SLC26A9: variants seen among roughly 807,000 people sequenced by gnomAD.
The protein encoded by SLC26A9 is solute carrier family 26 member 9, also known as anion transporter/exchanger protein 9.
A neutral mutation model predicts 87.1 loss-of-function variants in SLC26A9; 46 were observed. The observed-to-expected ratio is 0.53, with a 90% CI of 0.42 to 0.67. The LOEUF (loss-of-function observed/expected upper bound fraction) is 0.67. SLC26A9 is among the 30% of genes least tolerant of loss of function. The pLI, the probability that SLC26A9 is intolerant of heterozygous loss-of-function variation, is 0.00. For synonymous variants in SLC26A9, 437 were observed against 409.1 expected (o/e 1.07, Z -0.82); for missense variants, 927 against 1,018.3 (o/e 0.91, Z 1.22).
chr1:205,930,386 G>C (rs529450657), intron 5 of SLC26A9: 2 of 191,358 alleles, frequency 1.0e-5, no homozygotes, highest in South Asian at 3.7e-4. Context: ...CCAAAAACTT[G>C]AGAGTCATCC....
At position 205,928,828 on chromosome 1, in the gene SLC26A9, C is replaced by T; in HGVS notation, c.952G>A (p.Gly318Arg). Residue 318 changes from glycine to arginine, a missense_variant and splice_region_variant, in exon 8 of 21, where the codon GGG (glycine) becomes AGG (arginine). Physicochemically the swap from Gly to Arg is moderately radical, Grantham distance 125. Transcript: ENST00000367135. The stretch of plus-strand genomic sequence containing the variant: ...GGCTTCTGGGCCACCTGGACTCACC[C>T]GCGTTGGATTTCTCCCACGATCTGC... The part of the protein sequence containing the change: ...HMQIVGEIQR[G>R]FPTPVSPVVS... 3.1e-6 allele frequency: 5 copies of T among 1,614,122 alleles called. No individual in the cohort carries two copies. The highest frequency in any genetic ancestry group is 1.3e-5 in the African/African-American group (1 of 75,020).
intron 1 of SLC26A9, among the ~76,000 whole-genome samples, chr1:205,941,085 A>G (rs2102609077): frequency 6.6e-6 from 1 of 152,334 alleles, no homozygotes; most frequent in East Asian, 1.9e-4. Flanking sequence ...CTGGGGTCTC[A>G]GTGGGAGACC....
chr1:205,927,276 A>G lies in SLC26A9; in HGVS notation c.1228T>C (p.Cys410Arg). The change falls in exon 11 of 21, where the codon TGT becomes CGT. Residue 410 changes from cysteine (C) to arginine (R), a missense_variant. Transcript: ENST00000367135. ...GTGATCATCACCACCAGAGACACAC[A>G]CAGGCTGGCCACCTATTCCGAGAAA... is the stretch of plus-strand genomic sequence containing the variant. ...AGGKSQVASL[C>R]VSLVVMITML... The G allele has an allele frequency of 6.2e-7, 1 of 1,614,196 alleles. No individual in the cohort carries two copies.
At chr1:205,932,489 GAACAGGTAATGCT>G (rs1322230778) in intron 4 of SLC26A9, among the ~76,000 whole-genome samples, 200 bp downstream of exon 4, 1 of 152,192 alleles carries the variant, frequency 6.6e-6, no homozygotes, top group Non-Finnish European at 1.5e-5. Context: ...GAGGAAGATG[GAACAGGTAATGCT>G]AACTGAACTC....
chr1:205,936,548 G>A (rs886089361), intron 1 of SLC26A9, among the ~76,000 whole-genome samples: 1 of 152,122 alleles, frequency 6.6e-6, no homozygotes, highest in Non-Finnish European at 1.5e-5. Flanking sequence ...GAGCTGAGAT[G>A]GGCAGAGCTG....
Position 205,921,710 on chromosome 1 carries a change from A to T in SLC26A9, c.1911T>A (p.Ser637Arg), listed in dbSNP as rs1216423433. 1.9e-6 allele frequency: 3 copies of T among 1,591,876 alleles called. No individual in the cohort carries two copies. In the African/African-American group the frequency reaches 4.0e-5, roughly 21 times the overall value. Residue 637 changes from serine to arginine, a missense_variant, in exon 17 of 21, where the codon AGT (serine) becomes AGA (arginine). Transcript: ENST00000367135. ...FSPDSSSPAQ[S>R]EPPASAEAPG... ...GGGCCTCAGCGGAGGCTGGTGGCTC[A>T]CTCTGGGCAGGTGAGGAGCTGTCAG...
At chr1:205,923,009 C>T in intron 16 of SLC26A9, 73 bp downstream of exon 16, 1 of 1,435,144 alleles carries the variant, frequency 7.0e-7, no homozygotes, top group Non-Finnish European at 9.8e-7. Flanking sequence ...CCCCAGGGTA[C>T]CATGAGTAAC....
intron 17 of SLC26A9, among the ~76,000 whole-genome samples, chr1:205,921,171 C>T (rs6674850): frequency 0.9 from 136,893 of 152,244 alleles, 61,530 homozygotes; most frequent in Admixed American, 0.92. Flanking sequence ...TGGTATTATT[C>T]CTTCTCCTGT....
chr1:205,929,465 C>A, intron 6 of SLC26A9, 109 bp from the exon 7 acceptor site: 2 of 1,478,528 alleles, frequency 1.4e-6, no homozygotes, highest in Admixed American at 2.3e-5. Flanking sequence ...AATGGAGGCA[C>A]ACCAAGACAG....
At chr1:205,915,506 A>G (rs1020605540) in intron 20 of SLC26A9, 102 bp from the exon 21 acceptor site, 3 of 1,468,660 alleles carry the variant, frequency 2.0e-6, no homozygotes, top group South Asian at 2.4e-5. Flanking sequence ...ACCCCTGGCC[A>G]GAACAAAGCA....
At position 205,918,931 on chromosome 1, in the gene SLC26A9, T is replaced by C. The variant is rs1232598805; in HGVS notation, c.2165A>G (p.Glu722Gly). The C allele has an allele frequency of 3.1e-6, 5 of 1,614,070 alleles. No homozygotes were observed. The highest frequency in any genetic ancestry group is 4.2e-6 in the Non-Finnish European group (5 of 1,180,026). ...TATGCTGGGAAAGACGTGCTTGCAT[T>C]CTAGACTCCCATCCTCAAAGACGCC... ...HGGVFEDGSL[E>G]CKHVFPSIHD... Residue 722 changes from glutamate to glycine, a missense_variant, in exon 19 of 21, where the codon GAA becomes GGA. Coordinates refer to ENST00000367135, the MANE Select transcript of SLC26A9 (RefSeq NM_052934.4).
chr1:205,935,829 C>A lies in SLC26A9; in HGVS notation c.-9G>T. 3 of 1,611,768 alleles carry A rather than the reference C, an allele frequency of 1.9e-6. No individual in the cohort carries two copies. The South Asian group carries it at 3.3e-5, about 18-fold the overall frequency. The stretch of plus-strand genomic sequence containing the variant: ...GGCCTGGGCTGGCTCATATCTGGGG[C>A]ATTTACAAGCTTTGGGAGAAGCAGA... On this transcript the variant is annotated 5_prime_UTR_variant, in exon 2 of 21. An upstream start codon of the reference 5' UTR is lost. Transcript: ENST00000367135.
At chr1:205,915,499 C>A in intron 20 of SLC26A9, 95 bp from the exon 21 acceptor site, 1 of 1,539,096 alleles carries the variant, frequency 6.5e-7, no homozygotes, top group South Asian at 1.2e-5. Flanking sequence ...CCTAGGAACC[C>A]CTGGCCAGAA....
intron 12 of SLC26A9, among the ~76,000 whole-genome samples, chr1:205,926,244 C>T (rs1338214545): frequency 2.6e-5 from 4 of 152,158 alleles, no homozygotes; most frequent in Non-Finnish European, 1.5e-5. Flanking sequence ...GCTTCTTCTT[C>T]ATAGAAAACC....
intron 1 of SLC26A9, among the ~76,000 whole-genome samples, chr1:205,937,542 G>A (rs1265532357): frequency 1.3e-5 from 2 of 152,180 alleles, no homozygotes; most frequent in Non-Finnish European, 2.9e-5. Flanking sequence ...GATGCTATGA[G>A]GATTCAGTGA....
At chr1:205,915,498 C>T (rs1010526880) in intron 20 of SLC26A9, 94 bp from the exon 21 acceptor site, 50 of 1,546,698 alleles carry the variant, frequency 3.2e-5, no homozygotes, top group Non-Finnish European at 3.5e-6. Context: ...CCCTAGGAAC[C>T]CCTGGCCAGA....
chr1:205,940,101 G>A (rs1659676791), intron 1 of SLC26A9, among the ~76,000 whole-genome samples: 1 of 152,202 alleles, frequency 6.6e-6, no homozygotes, highest in South Asian at 2.1e-4. Context: ...GGGGAGTAGG[G>A]GGTGAGCCAG....
rs147005854 is a variant in SLC26A9, at chr1:205,915,380, C to T, written c.2353G>A (p.Ala785Thr). The change falls in exon 21 of 21, where the codon GCA becomes ACA. Residue 785 changes from alanine to threonine, a missense_variant. Ala to Thr is a moderately conservative substitution (Grantham distance 58, BLOSUM62 0). Transcript: ENST00000367135. ...EQEMFGSMFH[A>T]ETLTAL ...CCTCACAGGGCGGTCAGGGTCTCTG[C>T]GTGAAACATGCTCCCGAACATCTCC... is the stretch of plus-strand genomic sequence containing the variant. 1,661 of 1,614,094 alleles carry T rather than the reference C, an allele frequency of 1.0e-3. 2 individuals carry two copies. The highest frequency in any genetic ancestry group is 1.0e-3 in the Non-Finnish European group (1,202 of 1,180,030).
At chr1:205,933,938 C>T (rs546403964) in intron 2 of SLC26A9, among the ~76,000 whole-genome samples, 51 of 152,250 alleles carry the variant, frequency 3.3e-4, no homozygotes, top group African/African-American at 5.1e-4. Context: ...GGGTGACAGC[C>T]GGTGGATTGA....
Sources: gnomAD v4.1 joint callset for allele counts (sites outside exome capture counted in the v4.1 genomes callset) on GRCh38, gnomAD v4.1.1 for gene constraint, MANE v1.5 for transcripts, NCBI Gene and HGNC (gene_info 2026-07-23, HGNC 2026-07-21) for gene names.